Variants in KATNAL1 observed in about 807,000 individuals in gnomAD.
The protein encoded by KATNAL1 is katanin p60 ATPase-containing subunit A-like 1.
A neutral mutation model predicts 55.2 loss-of-function variants in KATNAL1; 32 were observed. The ratio of observed to expected loss-of-function variants is 0.58; its 90% CI spans 0.44 to 0.78. The LOEUF (loss-of-function observed/expected upper bound fraction) is 0.78, where lower values mean the gene tolerates loss of function less well. Among genes scored for constraint, KATNAL1 ranks in the 30% least tolerant of loss-of-function variants. The pLI is 0.00. For synonymous variants in KATNAL1, 193 were observed against 193.6 expected (o/e 1.00, Z 0.02); for missense variants, 466 against 600.9 (o/e 0.78, Z 2.35).
At chr13:30,255,669 C>CA (rs1217046973) in intron 3 of KATNAL1, 54 bp from the exon 4 acceptor site, 3 of 1,320,602 alleles carry the variant, frequency 2.3e-6, no homozygotes, top group Non-Finnish European at 2.9e-6. Context: ...TAATCAAAGG[C>CA]AAAAGTATGT....
chr13:30,247,097 G>T (rs1321864775), intron 4 of KATNAL1, among the ~76,000 whole-genome samples: 1 of 152,054 alleles, frequency 6.6e-6, no homozygotes, highest in African/African-American at 2.4e-5. Flanking sequence ...CACAGAAAAG[G>T]TAAGTAAATT....
At position 30,208,663 on chromosome 13, in the gene KATNAL1, C is replaced by T; in HGVS notation, c.1350G>A (p.Glu450=). 2 of 1,613,944 alleles carry T rather than the reference C, an allele frequency of 1.2e-6. No individual in the cohort carries two copies. Among genetic ancestry groups the T allele is most frequent in the Non-Finnish European group, 1.7e-6 (2 of 1,179,916 alleles). ...SPEEIRALSK[E]ELQMPVTKGD... ...CTTTGGTAACAGGCATCTGAAGTTCCTCTTTAGAAAGTGCACGGATTTCTT... is the reference window on the plus strand; with the variant it reads ...CTTTGGTAACAGGCATCTGAAGTTCTTCTTTAGAAAGTGCACGGATTTCTT... The change falls in exon 11 of 11, where the codon GAG becomes GAA. Residue 450 remains glutamate (E), a synonymous_variant. Coordinates refer to ENST00000380615, the MANE Select transcript of KATNAL1 (RefSeq NM_032116.5).
chr13:30,208,710 G>A lies in KATNAL1; in HGVS notation c.1303C>T (p.Arg435Cys), dbSNP rs770482163. 1.9e-5 allele frequency: 30 copies of A among 1,611,804 alleles called. No individual in the cohort carries two copies. The highest frequency in any genetic ancestry group is 4.0e-5 in the African/African-American group (3 of 74,796). The change falls in exon 11 of 11, where the codon CGT becomes TGT. Residue 435 changes from arginine (R) to cysteine (C), a missense_variant. By Grantham distance (180) the Arg-to-Cys change is radical. Transcript: ENST00000380615. ...TCTTCTGGACTTAAGCCATTGATAC[G>A]CCGTCTCATTGCCATTAAAGAGGCA... is the stretch of plus-strand genomic sequence containing the variant. ...RDASLMAMRRRINGLSPEEIR... is the reference protein window; with the variant it reads ...RDASLMAMRRCINGLSPEEIR...
intron 6 of KATNAL1, among the ~76,000 whole-genome samples, chr13:30,233,998 G>A (rs2137404282): frequency 6.6e-6 from 1 of 152,306 alleles, no homozygotes; most frequent in South Asian, 2.1e-4. Flanking sequence ...TGATAGATCA[G>A]TAGGGTGACC....
chr13:30,274,657 C>A (rs886412506), intron 3 of KATNAL1, among the ~76,000 whole-genome samples: 1 of 152,122 alleles, frequency 6.6e-6, no homozygotes, highest in Non-Finnish European at 1.5e-5. Context: ...TTATAAAGAA[C>A]AGTATGGAGA....
chr13:30,259,799 G>A (rs560657785), intron 3 of KATNAL1, among the ~76,000 whole-genome samples: 1 of 152,334 alleles, frequency 6.6e-6, no homozygotes, highest in East Asian at 1.9e-4. Context: ...CTGGGGGAGG[G>A]GCGCCCACCA....
chr13:30,292,793 T>C (rs966818368), intron 1 of KATNAL1, among the ~76,000 whole-genome samples: 1 of 152,216 alleles, frequency 6.6e-6, no homozygotes, highest in Non-Finnish European at 1.5e-5. Flanking sequence ...TAAATACCTT[T>C]ATTCTACCCT....
At chr13:30,222,736 C>A (rs1177449673) in intron 9 of KATNAL1, among the ~76,000 whole-genome samples, 3 of 152,134 alleles carry the variant, frequency 2.0e-5, no homozygotes, top group Non-Finnish European at 4.4e-5. Flanking sequence ...AGCAAGATGG[C>A]AGACTTAAAC....
intron 6 of KATNAL1, among the ~76,000 whole-genome samples, chr13:30,238,118 C>T (rs1318558110): frequency 6.6e-6 from 1 of 152,160 alleles, no homozygotes; most frequent in African/African-American, 2.4e-5. Context: ...AACTATGCTA[C>T]CTACCTGCTC....
At chr13:30,253,527 T>C (rs1370583206) in intron 4 of KATNAL1, among the ~76,000 whole-genome samples, 1 of 152,050 alleles carries the variant, frequency 6.6e-6, no homozygotes, top group African/African-American at 2.4e-5. Flanking sequence ...TAGCCGGGCA[T>C]GGTAGCGGGT....
chr13:30,279,711 C>T (rs1412296768), intron 3 of KATNAL1, among the ~76,000 whole-genome samples: 1 of 152,160 alleles, frequency 6.6e-6, no homozygotes, highest in Non-Finnish European at 1.5e-5. Flanking sequence ...TTCTCCACTA[C>T]TTCATTTGAA....
intron 1 of KATNAL1, among the ~76,000 whole-genome samples, chr13:30,305,068 C>A (rs1883096026): frequency 6.6e-6 from 1 of 152,176 alleles, no homozygotes; most frequent in South Asian, 2.1e-4. Context: ...TTTTCTACTA[C>A]CTGTAATGTT....
Position 30,213,618 on chromosome 13 carries a change from C to T in KATNAL1, c.1148-3176G>A, listed in dbSNP as rs776867825. ...ACCCTGGGATGCAAGGCTGGTTCAA[C>T]ATACACAAATCAATAAATGTAATCC... On this transcript the variant is annotated intron_variant, in intron 9 of 10. Transcript: ENST00000380615. Among the ~76,000 whole-genome samples, 11 of 152,218 alleles carry T rather than the reference C, an allele frequency of 7.2e-5. No individual in the cohort carries two copies. In the South Asian group the frequency reaches 8.3e-4, roughly 11 times the overall value.
intron 7 of KATNAL1, 133 bp from the exon 8 acceptor site, chr13:30,230,727 G>C: frequency 1.5e-6 from 1 of 649,616 alleles, no homozygotes; most frequent in East Asian, 2.8e-5. Flanking sequence ...TCTGGTTATG[G>C]CAAAGGCTAA....
At chr13:30,230,331 A>C in intron 8 of KATNAL1, 137 bp downstream of exon 8, 1 of 684,862 alleles carries the variant, frequency 1.5e-6, no homozygotes, top group South Asian at 2.5e-5. Context: ...TTCTGAGTGC[A>C]TGAACAAATG....
In KATNAL1 at chr13:30,205,453, A is replaced by C. The variant is rs895383335; in HGVS notation, c.*3087T>G. On this transcript the variant is annotated 3_prime_UTR_variant, in exon 11 of 11. Transcript: ENST00000380615. ...CTACAGTCATTGTGCTGCAGAACTC[A>C]AAATACTCATGTTTTCAGAGGAATT... 4 of 152,268 alleles carry C rather than the reference A, an allele frequency of 2.6e-5. No homozygotes were observed. The highest frequency in any genetic ancestry group is 9.6e-5 in the African/African-American group (4 of 41,460). The allele number at this position is 152,268 out of a possible 1,614,324, so 9.4% of individuals were successfully genotyped here.
chr13:30,221,153 G>A (rs1332889574), intron 9 of KATNAL1, among the ~76,000 whole-genome samples: 1 of 152,084 alleles, frequency 6.6e-6, no homozygotes, highest in Non-Finnish European at 1.5e-5. Context: ...ACAAGCCTTG[G>A]GGTCTAGTCA....
In KATNAL1 at chr13:30,205,557, A is replaced by G. The variant is rs1183988581; in HGVS notation, c.*2983T>C. On this transcript the variant is annotated 3_prime_UTR_variant, in exon 11 of 11. Transcript: ENST00000380615. ...TAACAAAACAAAACGAAGCAAAACAATTCAATCTCATTCTGGGTAAGGCAA... is the reference window on the plus strand; with the variant it reads ...TAACAAAACAAAACGAAGCAAAACAGTTCAATCTCATTCTGGGTAAGGCAA... The G allele has an allele frequency of 6.6e-6, 1 of 152,250 alleles. No homozygotes were observed. Among genetic ancestry groups the G allele is most frequent in the Non-Finnish European group, 1.5e-5 (1 of 68,054 alleles). 9.4% of individuals were successfully genotyped at this position (152,250 alleles called of 1,614,324 possible). A position where few individuals can be genotyped will look rare whatever the true frequency, so the allele number is the denominator to read the frequency against.
At chr13:30,303,946 G>C (rs915102176) in intron 1 of KATNAL1, among the ~76,000 whole-genome samples, 2 of 152,186 alleles carry the variant, frequency 1.3e-5, no homozygotes, top group Non-Finnish European at 2.9e-5. Context: ...GACAGAACTG[G>C]CAGTCCTGCC....
Sources: allele counts gnomAD v4.1 joint callset (sites outside exome capture counted in the v4.1 genomes callset), GRCh38; gene constraint gnomAD v4.1.1; transcripts MANE v1.5; gene names NCBI Gene and HGNC (gene_info 2026-07-23, HGNC 2026-07-21).